FER: variants seen among roughly 807,000 people sequenced by gnomAD.
The protein encoded by FER is tyrosine-protein kinase Fer.
A neutral mutation model predicts 111.0 loss-of-function variants in FER; 63 were observed. The ratio of observed to expected loss-of-function variants is 0.57; its 90% CI spans 0.46 to 0.70. The LOEUF is 0.70. Among genes scored for constraint, FER ranks in the 30% least tolerant of loss-of-function variants. The pLI is 0.00. For missense variants in FER, 914 were observed against 954.0 expected (o/e 0.96, Z 0.55); for synonymous variants, 327 against 313.9 (o/e 1.04, Z -0.44).
intron 17 of FER, among the ~76,000 whole-genome samples, chr5:109,171,738 C>T (rs537484524): frequency 1.8e-4 from 28 of 152,198 alleles, no homozygotes; most frequent in East Asian, 5.8e-4. Context: ...TAGGAGTAGA[C>T]GCTATTGCCA....
chr5:109,101,054 T>G (rs1346528170), intron 17 of FER, among the ~76,000 whole-genome samples: 1 of 151,994 alleles, frequency 6.6e-6, no homozygotes, highest in African/African-American at 2.4e-5. Flanking sequence ...AAATACTAGT[T>G]ATTTCAAAGG....
chr5:108,760,480 A>G (rs1379976874), intron 1 of FER, among the ~76,000 whole-genome samples: 2 of 152,336 alleles, frequency 1.3e-5, no homozygotes, highest in East Asian at 3.9e-4. Flanking sequence ...AGGCTGTTTC[A>G]TATACACTGA....
chr5:108,749,445 C>T (rs1750194061), intron 1 of FER, among the ~76,000 whole-genome samples: 6 of 152,048 alleles, frequency 3.9e-5, no homozygotes, highest in Admixed American at 3.9e-4. Flanking sequence ...CCCAATCTTG[C>T]CTGTACCCTC....
At chr5:108,855,740 G>T (rs1007193497) in intron 5 of FER, among the ~76,000 whole-genome samples, 1 of 152,182 alleles carries the variant, frequency 6.6e-6, no homozygotes, top group Admixed American at 6.5e-5. Flanking sequence ...ATAAGGTGAG[G>T]ATTAAGATTT....
At chr5:109,186,374 C>T in intron 19 of FER, 52 bp downstream of exon 19, 1 of 1,613,390 alleles carries the variant, frequency 6.2e-7, no homozygotes, top group Non-Finnish European at 8.5e-7. Context: ...CAGGGGTAGG[C>T]AGTGCTTATA....
At position 109,193,640 on chromosome 5, in the gene FER, A is replaced by G. The variant is rs1213334523; in HGVS notation, c.*6065A>G. The G allele has an allele frequency of 6.6e-6, 1 of 152,162 alleles. No individual in the cohort carries two copies. Among genetic ancestry groups the G allele is most frequent in the East Asian group, 1.9e-4 (1 of 5,192 alleles). The allele number at this position is 152,162 out of a possible 1,614,324, so 9.4% of individuals were successfully genotyped here. On this transcript the variant is annotated 3_prime_UTR_variant, in exon 20 of 20. Transcript: ENST00000281092. Reference sequence around the variant, plus strand: ...AAAGTTTTTCTTGAACATCTGCCACATGAGGTGCAGAGAATACTACCAGGT... The same window carrying G: ...AAAGTTTTTCTTGAACATCTGCCACGTGAGGTGCAGAGAATACTACCAGGT...
chr5:108,835,633 A>G (rs981308198), intron 4 of FER, 75 bp from the exon 5 acceptor site: 3 of 920,060 alleles, frequency 3.3e-6, no homozygotes, highest in African/African-American at 3.4e-5. Context: ...ATCAGTTAAT[A>G]CTTTGGAATT....
At chr5:108,797,676 A>T (rs1580594416) in intron 2 of FER, among the ~76,000 whole-genome samples, 1 of 152,224 alleles carries the variant, frequency 6.6e-6, no homozygotes, top group Non-Finnish European at 1.5e-5. Context: ...TTTCAGCGAT[A>T]GGAAGTTAAA....
At chr5:109,075,708 C>T (rs1282436223) in intron 16 of FER, among the ~76,000 whole-genome samples, 4 of 152,140 alleles carry the variant, frequency 2.6e-5, no homozygotes, top group Admixed American at 6.5e-5. Flanking sequence ...CATGCGTGAA[C>T]CACCATGCCC....
chr5:109,059,807 A>G (rs1774146924), intron 16 of FER, among the ~76,000 whole-genome samples: 1 of 152,152 alleles, frequency 6.6e-6, no homozygotes, highest in African/African-American at 2.4e-5. Flanking sequence ...CTTTCATATG[A>G]CCTAAGAATT....
At chr5:109,134,861 A>G (rs1357523519) in intron 17 of FER, among the ~76,000 whole-genome samples, 1 of 152,232 alleles carries the variant, frequency 6.6e-6, no homozygotes, top group Non-Finnish European at 1.5e-5. Context: ...TTTGTAGGGG[A>G]CATGGCTAAG....
chr5:109,003,403 G>C (rs1325620826), intron 13 of FER, among the ~76,000 whole-genome samples: 5 of 152,086 alleles, frequency 3.3e-5, no homozygotes, highest in Non-Finnish European at 4.4e-5. Flanking sequence ...ACTCATAGGT[G>C]GGAATTGAAC....
rs181951713 is a variant in FER at position 109,186,811 on chromosome 5, A to G, written c.2326+489A>G. Among the ~76,000 whole-genome samples, 512 of 152,316 alleles carry G rather than the reference A, an allele frequency of 3.4e-3. 2 individuals carry two copies. Among genetic ancestry groups the G allele is most frequent in the African/African-American group, 0.011 (476 of 41,558 alleles). The stretch of plus-strand genomic sequence containing the variant: ...GCTTGCATGCACTTGTGTAGCATAC[A>G]GTCTCGACAAAAAGAAAGCTCGTGA... On this transcript the variant is annotated intron_variant, in intron 19 of 19. Transcript: ENST00000281092.
At chr5:108,935,987 G>C (rs1755411678) in intron 10 of FER, among the ~76,000 whole-genome samples, 1 of 151,882 alleles carries the variant, frequency 6.6e-6, no homozygotes, top group Non-Finnish European at 1.5e-5. Context: ...GAAATATGAG[G>C]TCTGTGTCTT....
chr5:109,072,288 G>C (rs1310787542), intron 16 of FER, among the ~76,000 whole-genome samples: 2 of 151,114 alleles, frequency 1.3e-5, no homozygotes, highest in East Asian at 4.0e-4. Context: ...GATGTGAGTT[G>C]GCATGTATTT....
intron 13 of FER, among the ~76,000 whole-genome samples, chr5:109,030,826 G>C (rs185639815): frequency 1.1e-4 from 16 of 152,324 alleles, no homozygotes; most frequent in South Asian, 8.3e-4. Context: ...TGGAGACAAA[G>C]AGACTTCCCA....
At chr5:109,107,196 A>G (rs957399107) in intron 17 of FER, among the ~76,000 whole-genome samples, 1 of 152,230 alleles carries the variant, frequency 6.6e-6, no homozygotes, top group Non-Finnish European at 1.5e-5. Context: ...GTCAATTACA[A>G]TAAGTACATT....
intron 13 of FER, among the ~76,000 whole-genome samples, chr5:108,968,165 T>C (rs1371479467): frequency 6.6e-6 from 1 of 152,180 alleles, no homozygotes; most frequent in East Asian, 1.9e-4. Flanking sequence ...AAGGCAGGTA[T>C]CACTTGAGGT....
At chr5:109,180,983 G>A in intron 18 of FER, 82 bp downstream of exon 18, 2 of 1,174,888 alleles carry the variant, frequency 1.7e-6, no homozygotes, top group Non-Finnish European at 1.2e-6. Flanking sequence ...ATTTACAGGG[G>A]TAGCACAGAA....
Sources: allele counts gnomAD v4.1 joint callset (sites outside exome capture counted in the v4.1 genomes callset), GRCh38; gene constraint gnomAD v4.1.1; transcripts MANE v1.5; gene names NCBI Gene and HGNC (gene_info 2026-07-23, HGNC 2026-07-21).